The following RBFOX2 variants were observed in gnomAD, a reference collection of about 807,000 sequenced individuals.
The protein encoded by RBFOX2 is RNA binding fox-1 homolog 2.
Under a neutral mutation model 49.1 loss-of-function variants are expected in RBFOX2, and 10 were observed. That is an observed-to-expected ratio of 0.20 (90% confidence interval 0.13 to 0.35). RBFOX2 has a LOEUF of 0.35. Ranked by LOEUF, RBFOX2 falls within the 10% of genes least tolerant of loss-of-function variation. RBFOX2 has a pLI of 1.00. For synonymous variants in RBFOX2, 183 were observed against 187.4 expected (o/e 0.98, Z 0.19); for missense variants, 323 against 486.9 (o/e 0.66, Z 3.17).
chr22:35,892,747 T>C (rs1295683040), intron 1 of RBFOX2, among the ~76,000 whole-genome samples: 2 of 152,208 alleles, frequency 1.3e-5, no homozygotes, highest in African/African-American at 4.8e-5. Flanking sequence ...TTCAGGCATA[T>C]CTACTGTTAC....
At chr22:35,821,226 A>C (rs909847614) in intron 1 of RBFOX2, among the ~76,000 whole-genome samples, 2 of 152,126 alleles carry the variant, frequency 1.3e-5, no homozygotes, top group African/African-American at 4.8e-5. Context: ...TTTTCTTTTT[A>C]AATTTTATTT....
chr22:35,763,118 G>A (rs780010030), intron 6 of RBFOX2, among the ~76,000 whole-genome samples: 7 of 152,306 alleles, frequency 4.6e-5, no homozygotes, highest in Admixed American at 4.6e-4. Context: ...GAATTCATTA[G>A]GAGGAACCCA....
intron 1 of RBFOX2, among the ~76,000 whole-genome samples, chr22:35,930,017 CTTT>C (rs58976136): frequency 2.0e-3 from 242 of 121,302 alleles, no homozygotes; most frequent in African/African-American, 8.0e-3. Flanking sequence ...CTTAATAGAA[CTTT>C]TTTTTTTTTT....
At chr22:35,907,851 C>T (rs367675107) in intron 1 of RBFOX2, among the ~76,000 whole-genome samples, 12 of 152,074 alleles carry the variant, frequency 7.9e-5, no homozygotes, top group Non-Finnish European at 1.2e-4. Flanking sequence ...TTTGTCACAT[C>T]GGCCAGACTG....
chr22:35,745,925 C>T, exon 11 of RBFOX2: 1 of 1,612,210 alleles, frequency 6.2e-7, no homozygotes, highest in East Asian at 2.2e-5. Context: ...ATACTTACCA[C>T]AGCGCCAACT....
intron 2 of RBFOX2, among the ~76,000 whole-genome samples, chr22:35,806,255 T>G (rs890350478): frequency 1.4e-4 from 22 of 151,960 alleles, no homozygotes; most frequent in African/African-American, 5.1e-4. Flanking sequence ...GTCTGTACTA[T>G]CTTCTCAGTT....
chr22:35,744,283 G>T (rs1296422982), intron 11 of RBFOX2, 34 bp from the exon 14 acceptor site: 1 of 1,580,038 alleles, frequency 6.3e-7, no homozygotes, highest in Non-Finnish European at 8.6e-7. Flanking sequence ...ATAATTAAAA[G>T]GTTGATGAGA....
intron 11 of RBFOX2, among the ~76,000 whole-genome samples, chr22:35,745,663 T>G (rs1013580432): frequency 6.6e-6 from 1 of 152,214 alleles, no homozygotes. Context: ...CCCCTATTTC[T>G]CTCGCAAATC....
chr22:35,912,118 C>T (rs186347630), intron 1 of RBFOX2, among the ~76,000 whole-genome samples: 3 of 152,202 alleles, frequency 2.0e-5, no homozygotes, highest in Admixed American at 1.3e-4. Flanking sequence ...ATAACAGGCA[C>T]ATAATAAACA....
intron 1 of RBFOX2, among the ~76,000 whole-genome samples, chr22:35,958,831 A>G (rs1335102594): frequency 2.6e-5 from 4 of 152,196 alleles, no homozygotes; most frequent in Admixed American, 2.0e-4. Context: ...GCTGCCTGTC[A>G]TATCTCGTTA....
At chr22:35,897,726 T>C in intron 1 of RBFOX2, 1 of 847,002 alleles carries the variant, frequency 1.2e-6, no homozygotes, top group Non-Finnish European at 2.1e-6. Context: ...AAACAAGGGG[T>C]ATAGCACCAA....
intron 2 of RBFOX2, among the ~76,000 whole-genome samples, chr22:35,790,999 C>A (rs1602892079): frequency 2.7e-5 from 4 of 149,440 alleles, no homozygotes; most frequent in East Asian, 2.0e-4. Context: ...CAAGGCAAGA[C>A]CCTGTCTCAA....
intron 1 of RBFOX2, among the ~76,000 whole-genome samples, chr22:35,946,123 C>T (rs1017605466): frequency 2.6e-5 from 4 of 152,074 alleles, no homozygotes; most frequent in African/African-American, 9.7e-5. Flanking sequence ...ATAGTGGTCG[C>T]AGGTGTCTAA....
At chr22:35,927,180 A>G (rs972039326) in intron 1 of RBFOX2, among the ~76,000 whole-genome samples, 2 of 152,220 alleles carry the variant, frequency 1.3e-5, no homozygotes, top group Non-Finnish European at 2.9e-5. Context: ...AAGGGAGATT[A>G]AGTTGTGAAC....
chr22:36,007,302 G>A (rs865801342), intron 1 of RBFOX2, among the ~76,000 whole-genome samples: 4 of 151,294 alleles, frequency 2.6e-5, no homozygotes, highest in Admixed American at 6.6e-5. Flanking sequence ...GTAAATATAA[G>A]TACTGGAATA....
intron 1 of RBFOX2, among the ~76,000 whole-genome samples, chr22:35,981,986 T>G (rs962020059): frequency 6.6e-6 from 1 of 152,180 alleles, no homozygotes; most frequent in African/African-American, 2.4e-5. Flanking sequence ...AAAGGGAATG[T>G]AGGCATAACA....
At chr22:35,867,802 C>T (rs2043863586) in intron 1 of RBFOX2, among the ~76,000 whole-genome samples, 1 of 152,014 alleles carries the variant, frequency 6.6e-6, no homozygotes, top group South Asian at 2.1e-4. Flanking sequence ...GAGGAAGTTC[C>T]CTTGAATCCT....
At chr22:35,873,930 C>A (rs1428302798) in intron 1 of RBFOX2, among the ~76,000 whole-genome samples, 1 of 152,172 alleles carries the variant, frequency 6.6e-6, no homozygotes, top group Non-Finnish European at 1.5e-5. Context: ...CTCCACCCAC[C>A]TCCCAGAGTG....
chr22:36,028,364 C>T (rs1220150038), exon 1 of RBFOX2: 3 of 1,391,828 alleles, frequency 2.2e-6, no homozygotes, highest in Admixed American at 2.8e-5. Flanking sequence ...CCGCTTCATG[C>T]CCCGGGCGGC....
Sources: gnomAD v4.1 joint callset for allele counts (sites outside exome capture counted in the v4.1 genomes callset) on GRCh38, gnomAD v4.1.1 for gene constraint, MANE v1.5 for transcripts, NCBI Gene and HGNC (gene_info 2026-07-23, HGNC 2026-07-21) for gene names.